Variants in GRIK3 observed in about 807,000 individuals in gnomAD.
GRIK3 encodes glutamate receptor ionotropic, kainate 3.
GRIK3 carries 29 observed loss-of-function variants against 102.5 expected under a neutral mutation model. The observed-to-expected ratio is 0.28, with a 90% confidence interval of 0.21 to 0.39. GRIK3 has a LOEUF of 0.39. GRIK3 is among the 10% of genes least tolerant of loss of function. The pLI is 1.00. For missense variants in GRIK3, 908 were observed against 1,252.4 expected, an observed-to-expected ratio of 0.73 and a Z score of 4.15; for synonymous variants, 511 against 504.9, an observed-to-expected ratio of 1.01 and a Z score of -0.16.
rs1222316015 is a variant in GRIK3, at chr1:36,797,118, C to T, written c.*4733G>A. The T allele has an allele frequency of 3.3e-5, 5 of 151,594 alleles. No homozygotes were observed. Among genetic ancestry groups the T allele is most frequent in the Admixed American group, 6.6e-5 (1 of 15,246 alleles). The allele number at this position is 151,594 out of a possible 1,614,324, so 9.4% of individuals were successfully genotyped here. A position where few individuals can be genotyped will look rare whatever the true frequency, so the allele number is the denominator to read the frequency against. ...GGAGCTCTGATGTGTGGAGGGCCTTCGCCACCCCAAGGGGCTCTCTGAGAC... is the reference window on the plus strand; with the variant it reads ...GGAGCTCTGATGTGTGGAGGGCCTTTGCCACCCCAAGGGGCTCTCTGAGAC... On this transcript the variant is annotated 3_prime_UTR_variant, in exon 16 of 16. Coordinates refer to ENST00000373091, the MANE Select transcript of GRIK3 (RefSeq NM_000831.4).
At chr1:36,879,059 C>T (rs996930243) in intron 3 of GRIK3, among the ~76,000 whole-genome samples, 14 of 152,218 alleles carry the variant, frequency 9.2e-5, no homozygotes, top group African/African-American at 3.4e-4. Flanking sequence ...TCCCTTTTCC[C>T]TTTCCTGCTT....
intron 1 of GRIK3, among the ~76,000 whole-genome samples, chr1:36,912,840 T>C (rs900047698): frequency 4.6e-5 from 7 of 152,198 alleles, no homozygotes; most frequent in South Asian, 2.1e-4. Flanking sequence ...TATATGTATA[T>C]GTATGTGTGC....
intron 1 of GRIK3, among the ~76,000 whole-genome samples, chr1:36,919,162 CT>C (rs1399629559): frequency 3.3e-5 from 5 of 152,214 alleles, no homozygotes; most frequent in African/African-American, 9.6e-5. Flanking sequence ...AGGGCCAGTC[CT>C]TGCCTTGGTT....
intron 1 of GRIK3, among the ~76,000 whole-genome samples, chr1:36,962,105 G>T (rs1195806353): frequency 6.6e-6 from 1 of 152,174 alleles, no homozygotes; most frequent in African/African-American, 2.4e-5. Flanking sequence ...TGGCCAGGCG[G>T]GGCAGGAGCA....
At chr1:36,878,551 C>G (rs1322086401) in intron 3 of GRIK3, among the ~76,000 whole-genome samples, 1 of 152,248 alleles carries the variant, frequency 6.6e-6, no homozygotes, top group Non-Finnish European at 1.5e-5. Flanking sequence ...TGCAGCAGCT[C>G]TTGACATGTG....
rs151185111 is a variant in GRIK3 at position 37,030,200 on chromosome 1, A to T, written c.115+3794T>A. ...AAGCTATTTACTTCCAGGGGGGAAA[A>T]CCCTATTGATCTTCATTCAGCTGCT... is the stretch of plus-strand genomic sequence containing the variant. On this transcript the variant is annotated intron_variant, in intron 1 of 15. Transcript: ENST00000373091. Among the ~76,000 whole-genome samples the T allele has an allele frequency of 3.1e-3, 469 of 152,146 alleles. 5 individuals carry two copies. The highest frequency in any genetic ancestry group is 0.011 in the African/African-American group (438 of 41,494).
chr1:36,805,044 C>T lies in GRIK3; in HGVS notation c.2508G>A (p.Val836=), dbSNP rs1167150502. ...IVLAAGLVLS[V]LVAVGEFVYK... ...ACACAAACTCGCCCACGGCCACCAG[C>T]ACAGAGAGGACCAGCCCGGCGGCCA... The change falls in exon 15 of 16, where the codon GTG becomes GTA. Residue 836 remains valine, a synonymous_variant. Transcript: ENST00000373091. 1 of 1,614,090 alleles carries T rather than the reference C, an allele frequency of 6.2e-7. No homozygotes were observed. Among genetic ancestry groups the T allele is most frequent in the Non-Finnish European group, 8.5e-7 (1 of 1,180,036 alleles).
intron 10 of GRIK3, among the ~76,000 whole-genome samples, chr1:36,837,440 G>A (rs769551614): frequency 7.9e-5 from 12 of 151,868 alleles, no homozygotes; most frequent in Non-Finnish European, 1.3e-4. Flanking sequence ...CCAACCAATC[G>A]GGAGCCTCAT....
chr1:36,944,980 G>T (rs1409444721), intron 1 of GRIK3, among the ~76,000 whole-genome samples: 1 of 152,228 alleles, frequency 6.6e-6, no homozygotes, highest in East Asian at 1.9e-4. Flanking sequence ...TGAGCCTGGT[G>T]GTAGCAAGGC....
At chr1:36,962,008 C>T (rs1397019981) in intron 1 of GRIK3, among the ~76,000 whole-genome samples, 1 of 152,100 alleles carries the variant, frequency 6.6e-6, no homozygotes, top group Non-Finnish European at 1.5e-5. Context: ...AGATGAAGGA[C>T]CCCTGATCCA....
chr1:36,821,924 T>C (rs1048625892), intron 11 of GRIK3, among the ~76,000 whole-genome samples: 1 of 152,230 alleles, frequency 6.6e-6, no homozygotes, highest in African/African-American at 2.4e-5. Context: ...ATATATGATA[T>C]TTTTAACCCC....
chr1:36,922,690 G>T (rs936123403), intron 1 of GRIK3, among the ~76,000 whole-genome samples: 1 of 152,166 alleles, frequency 6.6e-6, no homozygotes, highest in Non-Finnish European at 1.5e-5. Context: ...TGGACTTCAC[G>T]TAGACTTTCT....
At chr1:36,962,824 C>T (rs1327373968) in intron 1 of GRIK3, among the ~76,000 whole-genome samples, 1 of 141,728 alleles carries the variant, frequency 7.1e-6, no homozygotes, top group Middle Eastern at 3.9e-3. Context: ...GCGGAGGTTG[C>T]AGTGAGCCGA....
chr1:36,800,137 G>A lies in GRIK3; in HGVS notation c.*1714C>T, dbSNP rs1405398601. ...CACTGTGGTCTCCTGCTTTGCTAGA[G>A]ATTGCCCTTCACCCAGATGAGAAAG... On this transcript the variant is annotated 3_prime_UTR_variant, in exon 16 of 16. Coordinates refer to ENST00000373091, the MANE Select transcript of GRIK3 (RefSeq NM_000831.4). 6.6e-6 allele frequency: 1 copy of A among 152,172 alleles called. No homozygotes were observed. The highest frequency in any genetic ancestry group is 2.4e-5 in the African/African-American group (1 of 41,420). The allele number at this position is 152,172 out of a possible 1,614,324, so 9.4% of individuals were successfully genotyped here.
chr1:36,836,339 A>G (rs567224944), intron 10 of GRIK3, among the ~76,000 whole-genome samples: 1 of 152,326 alleles, frequency 6.6e-6, no homozygotes, highest in African/African-American at 2.4e-5. Context: ...CACAACAACC[A>G]TGCCTCTGGG....
intron 1 of GRIK3, among the ~76,000 whole-genome samples, chr1:36,934,161 G>A (rs1332327779): frequency 1.3e-5 from 2 of 152,130 alleles, no homozygotes; most frequent in African/African-American, 4.8e-5. Flanking sequence ...GCACAGGGTG[G>A]TAAGGACACA....
At chr1:36,896,582 C>T (rs935099891) in intron 1 of GRIK3, among the ~76,000 whole-genome samples, 8 of 151,936 alleles carry the variant, frequency 5.3e-5, no homozygotes, top group African/African-American at 1.9e-4. Flanking sequence ...CAGAAAAGGG[C>T]TGGAAGGCAA....
At chr1:36,925,199 A>G (rs1294035471) in intron 1 of GRIK3, among the ~76,000 whole-genome samples, 1 of 152,226 alleles carries the variant, frequency 6.6e-6, no homozygotes, top group Admixed American at 6.5e-5. Flanking sequence ...TGGACATGCT[A>G]GCACACAGAG....
Position 36,958,823 on chromosome 1 carries a change from T to C in GRIK3, c.116-67727A>G, listed in dbSNP as rs1183237630. Among the ~76,000 whole-genome samples the C allele has an allele frequency of 1.7e-4, 20 of 119,900 alleles. 1 individual carries two copies. The highest frequency in any genetic ancestry group is 4.9e-4 in the African/African-American group (17 of 34,654). The allele number at this position is 119,900 out of a possible 152,430, so 78.7% of individuals were successfully genotyped here. A position where few individuals can be genotyped will look rare whatever the true frequency, so the allele number is the denominator to read the frequency against. ...CTGTGTCCCGTGAGCCTGTGTGCCC[T>C]GTGAGTCTGTGCCTTGTGACTCTGT... On this transcript the variant is annotated intron_variant, in intron 1 of 15. Transcript: ENST00000373091.
Sources: gnomAD v4.1 joint callset for allele counts (sites outside exome capture counted in the v4.1 genomes callset) on GRCh38, gnomAD v4.1.1 for gene constraint, MANE v1.5 for transcripts, NCBI Gene and HGNC (gene_info 2026-07-23, HGNC 2026-07-21) for gene names.